Variants in SEPTIN8 observed in about 807,000 individuals in gnomAD.
SEPTIN8 encodes septin-8.
In SEPTIN8, 22 loss-of-function variants were observed where a neutral mutation model predicts 53.1. That is an observed-to-expected ratio of 0.41 (90% CI 0.30 to 0.59). SEPTIN8 has a LOEUF of 0.59. Ranked by LOEUF, SEPTIN8 falls within the 20% of genes least tolerant of loss-of-function variation. SEPTIN8 has a pLI of 0.24. For missense variants in SEPTIN8, 536 were observed against 638.7 expected, an observed-to-expected ratio of 0.84 and a Z score of 1.73; for synonymous variants, 228 against 248.4, an observed-to-expected ratio of 0.92 and a Z score of 0.77.
intron 9 of SEPTIN8, chr5:132,756,159 G>T (rs1755319153): frequency 5.1e-6 from 5 of 985,342 alleles, no homozygotes; most frequent in Non-Finnish European, 6.0e-6. Flanking sequence ...ACTTCCTCAG[G>T]CCTCGTATCC....
In SEPTIN8 at chr5:132,761,698, G is replaced by A. The variant is rs577367575; in HGVS notation, c.794-72C>T. 1.8e-4 allele frequency: 294 copies of A among 1,591,764 alleles called. 3 individuals carry two copies. In the South Asian group the frequency reaches 2.8e-3, roughly 15 times the overall value. On this transcript the variant is annotated intron_variant, in intron 6 of 9. Transcript: ENST00000378719. This position sits in a 1 kb window ranked among gnomAD's most constrained non-coding sequence, Gnocchi z 5.8. ...CACACTCCAGAGTCAGGGTAGGCACGCAGGTGGGCATGAGGAGGAAACAGC... is the reference window on the plus strand; with the variant it reads ...CACACTCCAGAGTCAGGGTAGGCACACAGGTGGGCATGAGGAGGAAACAGC...
Position 132,761,956 on chromosome 5 carries a change from C to A in SEPTIN8, c.697-60G>T. On this transcript the variant is annotated intron_variant, in intron 5 of 9. Coordinates refer to ENST00000378719, the MANE Select transcript of SEPTIN8 (RefSeq NM_001098811.2). This position sits in a 1 kb window ranked among gnomAD's most constrained non-coding sequence, Gnocchi z 5.8. ...CTGACACAGACTAATGGCAGACTCT[C>A]CCTCCCTGCCCCTGGGTCCTAGGGA... 7.0e-7 allele frequency: 1 copy of A among 1,432,386 alleles called. No homozygotes were observed. The highest frequency in any genetic ancestry group is 9.5e-7 in the Non-Finnish European group (1 of 1,052,108). The allele number at this position is 1,432,386 out of a possible 1,614,324, so 88.7% of individuals were successfully genotyped here. A position where few individuals can be genotyped will look rare whatever the true frequency, so the allele number is the denominator to read the frequency against.
chr5:132,758,874 A>G, intron 9 of SEPTIN8: 1 of 1,547,478 alleles, frequency 6.5e-7, no homozygotes, highest in Non-Finnish European at 8.9e-7. Context: ...ACATTAAAAG[A>G]TATGCAGACC....
Position 132,751,327 on chromosome 5 carries a change from G to C in SEPTIN8, c.*689C>G, listed in dbSNP as rs990754820. 1.7e-5 allele frequency: 4 copies of C among 231,862 alleles called. No homozygotes were observed. The highest frequency in any genetic ancestry group is 3.3e-5 in the Non-Finnish European group (4 of 119,944). The allele number at this position is 231,862 out of a possible 1,614,324, so 14.4% of individuals were successfully genotyped here. A position where few individuals can be genotyped will look rare whatever the true frequency, so the allele number is the denominator to read the frequency against. ...GAATACTGTACATAAATATCTGTCTGCTTTTGCTACACTTTACACACATTC... is the reference window on the plus strand; with the variant it reads ...GAATACTGTACATAAATATCTGTCTCCTTTTGCTACACTTTACACACATTC... On this transcript the variant is annotated 3_prime_UTR_variant, in exon 10 of 10. Transcript: ENST00000378719.
At chr5:132,755,339 A>G (rs1003615472) in intron 9 of SEPTIN8, among the ~76,000 whole-genome samples, 1 of 152,118 alleles carries the variant, frequency 6.6e-6, no homozygotes, top group Non-Finnish European at 1.5e-5. Flanking sequence ...TTCTACCTCT[A>G]AAAAACAGTC....
Position 132,761,338 on chromosome 5 carries a change from G to A in SEPTIN8, c.963-73C>T, listed in dbSNP as rs184089994. 4.2e-5 allele frequency: 67 copies of A among 1,600,952 alleles called. No homozygotes were observed. Among genetic ancestry groups the A allele is most frequent in the Non-Finnish European group, 5.4e-5 (63 of 1,176,312 alleles). On this transcript the variant is annotated intron_variant, in intron 7 of 9. Transcript: ENST00000378719. The surrounding 1 kb of genome is among the most constrained non-coding windows in gnomAD (Gnocchi z 5.8). ...TGGGATAGGGCAGGGCAGAGCCAGA[G>A]AAGTAGAATCATGTGGGCACGAGGG... is the stretch of plus-strand genomic sequence containing the variant.
intron 4 of SEPTIN8, among the ~76,000 whole-genome samples, chr5:132,763,283 A>G (rs1320295086): frequency 1.3e-5 from 2 of 152,178 alleles, no homozygotes; most frequent in Non-Finnish European, 2.9e-5. Context: ...GCTCAGAAGG[A>G]ACCAAAGGAC....
At chr5:132,752,216 C>T in intron 9 of SEPTIN8, 35 bp from the exon 10 acceptor site, 17 of 1,549,668 alleles carry the variant, frequency 1.1e-5, no homozygotes, top group Non-Finnish European at 1.4e-5. Context: ...AACTTTGCCC[C>T]AGACCAGGCT....
At chr5:132,770,004 T>TGTATATAC (rs1320788057) in intron 1 of SEPTIN8, among the ~76,000 whole-genome samples, 2 of 50,312 alleles carry the variant, frequency 4.0e-5, no homozygotes, top group Admixed American at 5.1e-4. Context: ...TATATATATA[T>TGTATATAC]ATATATATAT....
At chr5:132,767,043 G>C (rs1261874555) in intron 1 of SEPTIN8, among the ~76,000 whole-genome samples, 1 of 152,112 alleles carries the variant, frequency 6.6e-6, no homozygotes, top group Non-Finnish European at 1.5e-5. Context: ...CCTCAAACAA[G>C]TCAGGGCTAC....
chr5:132,764,693 A>G (rs1282926497), intron 2 of SEPTIN8, among the ~76,000 whole-genome samples: 1 of 152,182 alleles, frequency 6.6e-6, no homozygotes, highest in Non-Finnish European at 1.5e-5. Context: ...CTCAGGGAGC[A>G]GGGAAGAGAC....
Position 132,761,792 on chromosome 5 carries a change from A to G in SEPTIN8, c.793+8T>C, listed in dbSNP as rs1282158517. 1.2e-6 allele frequency: 2 copies of G among 1,605,620 alleles called. No homozygotes were observed. Among genetic ancestry groups the G allele is most frequent in the South Asian group, 2.2e-5 (2 of 89,598 alleles). ...TACCCCCAGGATGCATTTCCTGTCC[A>G]CACTCACCCTGCACCACTCCCCAGG... is the stretch of plus-strand genomic sequence containing the variant. On this transcript the variant is annotated splice_region_variant and intron_variant, in intron 6 of 9. Coordinates refer to ENST00000378719, the MANE Select transcript of SEPTIN8 (RefSeq NM_001098811.2). This position sits in a 1 kb window ranked among gnomAD's most constrained non-coding sequence, Gnocchi z 5.8.
In SEPTIN8 at chr5:132,760,809, T is replaced by C. The variant is rs748880933; in HGVS notation, c.1279A>G (p.Lys427Glu). 3 of 1,613,520 alleles carry C rather than the reference T, an allele frequency of 1.9e-6. No homozygotes were observed. Among genetic ancestry groups the C allele is most frequent in the Non-Finnish European group, 2.5e-6 (3 of 1,179,942 alleles). Reference sequence around the variant, plus strand: ...GCGCAGCCTGCCACCTACTTCTTCTTGTCCTTGTCCTTCCTCAGGGGCTGC... The same window carrying C: ...GCGCAGCCTGCCACCTACTTCTTCTCGTCCTTGTCCTTCCTCAGGGGCTGC... ...SQQPLRKDKD[K>E]KNRSDIGAHQ... The change falls in exon 9 of 10, where the codon AAG becomes GAG. Residue 427 changes from lysine (K) to glutamate (E), a missense_variant. Lys to Glu is a moderately conservative substitution (Grantham distance 56). This residue lies in a region of SEPTIN8 where 133 missense variants were observed against 157.4 expected (regional missense o/e 0.84). Transcript: ENST00000378719. The surrounding 1 kb of genome is among the most constrained non-coding windows in gnomAD (Gnocchi z 5.2).
intron 4 of SEPTIN8, among the ~76,000 whole-genome samples, 194 bp from the exon 5 acceptor site, chr5:132,762,839 C>G (rs1372389407): frequency 1.3e-5 from 2 of 152,220 alleles, no homozygotes; most frequent in East Asian, 3.8e-4. Flanking sequence ...TGATGAGTTT[C>G]AACAATTGGC....
upstream of SEPTIN8, among the ~76,000 whole-genome samples, chr5:132,779,532 C>T (rs30513): frequency 0.36 from 54,366 of 152,118 alleles, 16,290 homozygotes; most frequent in African/African-American, 0.79. Context: ...TGAACTTGAA[C>T]ATGACAAGAC....
intron 1 of SEPTIN8, among the ~76,000 whole-genome samples, chr5:132,769,982 C>CT (rs1317016796): frequency 3.6e-5 from 2 of 55,350 alleles, no homozygotes; most frequent in Non-Finnish European, 7.5e-5. Context: ...TCTATATATA[C>CT]ATATATATAT....
upstream of SEPTIN8, among the ~76,000 whole-genome samples, chr5:132,779,652 G>T (rs1758010333): frequency 6.6e-6 from 1 of 152,086 alleles, no homozygotes; most frequent in African/African-American, 2.4e-5. Flanking sequence ...AAGTGTACTT[G>T]TTATTTTATT....
chr5:132,767,988 C>G (rs930089723), intron 1 of SEPTIN8, among the ~76,000 whole-genome samples: 1 of 151,382 alleles, frequency 6.6e-6, no homozygotes, highest in African/African-American at 2.4e-5. Context: ...CACACACACG[C>G]AGCCGCAGAG....
At position 132,765,511 on chromosome 5, in the gene SEPTIN8, G is replaced by A. The variant is rs769267005; in HGVS notation, c.49C>T (p.Arg17Trp). The A allele has an allele frequency of 5.0e-6, 8 of 1,606,504 alleles. No individual in the cohort carries two copies. The highest frequency in any genetic ancestry group is 3.4e-5 in the Admixed American group (2 of 58,734). The change falls in exon 2 of 10, where the codon CGG becomes TGG. Residue 17 changes from arginine (R) to tryptophan (W), a missense_variant. Arg to Trp is a moderately radical substitution (Grantham distance 101, BLOSUM62 -3). Transcript: ENST00000378719. ...ACATGGCCGCCCAGGGAGAGGCTCC[G>A]GGGCTCTGGCTCTGCATTCTGCCAA... ...ERFSNAEPEP[R>W]SLSLGGHVGF...
Sources: gnomAD v4.1 joint callset for allele counts (sites outside exome capture counted in the v4.1 genomes callset) on GRCh38, gnomAD v4.1.1 for gene constraint, gnomAD v4.1.1 regional missense constraint, Gnocchi (gnomAD v3.1) non-coding constraint, MANE v1.5 for transcripts, NCBI Gene and HGNC (gene_info 2026-07-23, HGNC 2026-07-21) for gene names.